Variants in PCDH15 observed in about 807,000 individuals in gnomAD.
PCDH15 encodes protocadherin related 15.
In PCDH15, 129 loss-of-function variants were observed where a neutral mutation model predicts 178.5. The ratio of observed to expected loss-of-function variants is 0.72; its 90% CI spans 0.63 to 0.84. PCDH15 has a LOEUF of 0.84. PCDH15 is among the 40% of genes least tolerant of loss of function. The probability of loss-of-function intolerance (pLI) is 0.00; values close to 1 mark genes in which losing one functional copy is unlikely to be tolerated. For missense variants in PCDH15, 2,230 were observed against 2,099.9 expected (o/e 1.06, Z -1.21); for synonymous variants, 800 against 732.0 (o/e 1.09, Z -1.50).
chr10:55,092,339 T>C (rs533069359), intron 2 of PCDH15, among the ~76,000 whole-genome samples: 2 of 151,960 alleles, frequency 1.3e-5, no homozygotes, highest in Middle Eastern at 3.4e-3. Flanking sequence ...ATGAACTCTG[T>C]AGATTACCTA....
At chr10:54,560,852 A>G (rs1001612390) in intron 2 of PCDH15, among the ~76,000 whole-genome samples, 2 of 152,090 alleles carry the variant, frequency 1.3e-5, no homozygotes, top group African/African-American at 2.4e-5. Context: ...AAGTTTTTCA[A>G]AATTGATTCA....
At chr10:54,474,290 C>T (rs1026993163) in intron 3 of PCDH15, among the ~76,000 whole-genome samples, 4 of 151,790 alleles carry the variant, frequency 2.6e-5, no homozygotes, top group Admixed American at 2.6e-4. Flanking sequence ...AAAATAGTCT[C>T]AAATCAATCC....
At chr10:55,390,517 T>G (rs1837767374) in intron 2 of PCDH15, among the ~76,000 whole-genome samples, 1 of 152,188 alleles carries the variant, frequency 6.6e-6, no homozygotes, top group South Asian at 2.1e-4. Context: ...GTCTTCTTAG[T>G]GTTGATATTT....
chr10:54,487,148 A>G (rs2079170663), intron 3 of PCDH15, among the ~76,000 whole-genome samples: 1 of 152,124 alleles, frequency 6.6e-6, no homozygotes. Context: ...TGCATAATGG[A>G]ATACTATTCA....
chr10:54,295,073 T>A (rs2059662649), intron 8 of PCDH15, among the ~76,000 whole-genome samples: 1 of 152,202 alleles, frequency 6.6e-6, no homozygotes, highest in Admixed American at 6.5e-5. Context: ...ATTTTTGAAA[T>A]ACAAATTCTT....
At position 54,769,858 on chromosome 10, in the gene PCDH15, C is replaced by G. The variant is rs138582655; in HGVS notation, c.-29+31067G>C. On this transcript the variant is annotated intron_variant, in intron 1 of 37. Transcript: ENST00000644397. ...TCTTTTCTTCTGGTGATACGTTTCT[C>G]TAATTCTTTAGCAAATACCTTTTTG... is the stretch of plus-strand genomic sequence containing the variant. Among the ~76,000 whole-genome samples the G allele has an allele frequency of 5.3e-5, 8 of 152,220 alleles. No homozygotes were observed. In the East Asian group the frequency reaches 1.5e-3, roughly 29 times the overall value.
At chr10:53,839,863 A>G (rs375973133) in intron 29 of PCDH15, among the ~76,000 whole-genome samples, 2 of 152,136 alleles carry the variant, frequency 1.3e-5, no homozygotes, top group Admixed American at 6.5e-5. Context: ...CCTGCTCTCC[A>G]CCTGTAAGTT....
chr10:55,488,518 A>G (rs1474010626), intron 2 of PCDH15, among the ~76,000 whole-genome samples: 1 of 151,556 alleles, frequency 6.6e-6, no homozygotes, highest in Non-Finnish European at 1.5e-5. Context: ...TTGACTTTGG[A>G]CATTTCAAAT....
intron 16 of PCDH15, among the ~76,000 whole-genome samples, chr10:54,079,727 G>A (rs993835085): frequency 2.0e-5 from 3 of 152,184 alleles, no homozygotes; most frequent in Admixed American, 1.3e-4. Flanking sequence ...TCTTGTTTTC[G>A]ATTATTTCAA....
intron 2 of PCDH15, among the ~76,000 whole-genome samples, chr10:55,149,094 A>C (rs1474914869): frequency 6.6e-6 from 1 of 151,352 alleles, no homozygotes; most frequent in Non-Finnish European, 1.5e-5. Context: ...TACAAACATA[A>C]AATGTAGTGG....
chr10:54,786,459 G>A (rs1312571434), intron 1 of PCDH15, among the ~76,000 whole-genome samples: 1 of 151,958 alleles, frequency 6.6e-6, no homozygotes, highest in Non-Finnish European at 1.5e-5. Flanking sequence ...ATTCAGGCAA[G>A]TTATTTTTCA....
At chr10:55,386,062 G>A (rs1348895736) in intron 2 of PCDH15, among the ~76,000 whole-genome samples, 1 of 151,632 alleles carries the variant, frequency 6.6e-6, no homozygotes, top group African/African-American at 2.4e-5. Context: ...GAAGTTTCTA[G>A]CACCATAAGT....
chr10:55,543,900 T>G (rs1289364796), intron 2 of PCDH15, among the ~76,000 whole-genome samples: 1 of 151,340 alleles, frequency 6.6e-6, no homozygotes, highest in Non-Finnish European at 1.5e-5. Context: ...CTTCAAAAAT[T>G]TCCTCAATAT....
chr10:55,615,981 T>C (rs1161381402), intron 2 of PCDH15, among the ~76,000 whole-genome samples: 3 of 152,144 alleles, frequency 2.0e-5, no homozygotes, highest in African/African-American at 7.2e-5. Context: ...GCAAAATCAA[T>C]GCCACATTGA....
intron 1 of PCDH15, among the ~76,000 whole-genome samples, chr10:54,675,713 T>C (rs1173850788): frequency 6.6e-6 from 1 of 152,172 alleles, no homozygotes; most frequent in African/African-American, 2.4e-5. Flanking sequence ...TCTCAGTTTA[T>C]AATTACATTG....
At chr10:54,521,866 G>C (rs988561178) in intron 3 of PCDH15, among the ~76,000 whole-genome samples, 2 of 151,946 alleles carry the variant, frequency 1.3e-5, no homozygotes, top group South Asian at 2.1e-4. Context: ...GAGGCGGGTG[G>C]ATCACGAGGT....
At chr10:54,416,878 A>G (rs1954495194) in intron 3 of PCDH15, among the ~76,000 whole-genome samples, 1 of 152,116 alleles carries the variant, frequency 6.6e-6, no homozygotes, top group South Asian at 2.1e-4. Context: ...ATGATCCCTG[A>G]TGTTGAGCAT....
intron 25 of PCDH15, among the ~76,000 whole-genome samples, chr10:53,921,595 C>T (rs1292156315): frequency 6.6e-6 from 1 of 152,156 alleles, no homozygotes; most frequent in Non-Finnish European, 1.5e-5. Context: ...GATGTGTGAT[C>T]CTTGAACTGA....
chr10:54,665,359 G>T (rs572161899), intron 1 of PCDH15, among the ~76,000 whole-genome samples: 2 of 152,036 alleles, frequency 1.3e-5, no homozygotes, highest in East Asian at 1.9e-4. Context: ...TTACATGATT[G>T]TGCAATCTTC....
Sources: allele counts gnomAD v4.1 joint callset (sites outside exome capture counted in the v4.1 genomes callset), GRCh38; gene constraint gnomAD v4.1.1; transcripts MANE v1.5; gene names NCBI Gene and HGNC (gene_info 2026-07-23, HGNC 2026-07-21).